CAMK1D: variants seen among roughly 807,000 people sequenced by gnomAD.
The protein encoded by CAMK1D is calcium/calmodulin dependent protein kinase ID, also known as calcium/calmodulin-dependent protein kinase type 1D.
In CAMK1D, 9 loss-of-function variants were observed where a neutral mutation model predicts 47.7. The ratio of observed to expected loss-of-function variants is 0.19; its 90% confidence interval spans 0.11 to 0.33. The LOEUF is 0.33. CAMK1D is among the 10% of genes least tolerant of loss of function. The pLI, the probability that CAMK1D is intolerant of heterozygous loss-of-function variation, is 1.00. For synonymous variants in CAMK1D, 184 were observed against 184.9 expected (o/e 0.99, Z 0.04); for missense variants, 291 against 488.7 (o/e 0.60, Z 3.81).
chr10:12,425,739 T>TTC (rs1244829614), intron 1 of CAMK1D, among the ~76,000 whole-genome samples: 3 of 152,232 alleles, frequency 2.0e-5, no homozygotes, highest in Non-Finnish European at 4.4e-5. Flanking sequence ...GTTAGTTGAG[T>TTC]GCCTGCCACA....
intron 7 of CAMK1D, 135 bp downstream of exon 7, chr10:12,814,442 A>G: frequency 1.8e-6 from 1 of 552,246 alleles, no homozygotes; most frequent in Non-Finnish European, 3.2e-6. Flanking sequence ...TGGCTGCTGT[A>G]ACAAGATACC....
intron 2 of CAMK1D, among the ~76,000 whole-genome samples, chr10:12,590,059 C>T (rs1056851587): frequency 9.9e-5 from 15 of 152,138 alleles, no homozygotes; most frequent in African/African-American, 3.6e-4. Flanking sequence ...TTCTCTAGAG[C>T]CTGTAGGGAG....
chr10:12,356,099 T>G (rs1837506790), intron 1 of CAMK1D, among the ~76,000 whole-genome samples: 1 of 150,946 alleles, frequency 6.6e-6, no homozygotes, highest in Non-Finnish European at 1.5e-5. Flanking sequence ...ACCACTGCAC[T>G]CCAGCCTGGG....
At chr10:12,522,434 C>A (rs980231293) in intron 1 of CAMK1D, among the ~76,000 whole-genome samples, 2 of 141,464 alleles carry the variant, frequency 1.4e-5, no homozygotes, top group African/African-American at 2.6e-5. Flanking sequence ...ATCTTTTTAA[C>A]AAAGCACATC....
At chr10:12,352,898 G>A (rs986394421) in intron 1 of CAMK1D, among the ~76,000 whole-genome samples, 10 of 151,824 alleles carry the variant, frequency 6.6e-5, no homozygotes, top group Admixed American at 5.2e-4. Flanking sequence ...CGCCATGCCT[G>A]GCTAATTTTT....
rs56935431 is a variant in CAMK1D at position 12,813,741 on chromosome 10, A to G, written c.642-454A>G. ...TATATTTGCAACACACGCGGTACAG[A>G]TTTTCTTTTTCTTTTTCTTTCTTCT... On this transcript the variant is annotated intron_variant, in intron 6 of 10. Transcript: ENST00000619168. Among the ~76,000 whole-genome samples the G allele has an allele frequency of 7.3e-3, 1,112 of 151,604 alleles. 14 individuals carry two copies. Among genetic ancestry groups the G allele is most frequent in the African/African-American group, 0.026 (1,062 of 41,342 alleles).
intron 1 of CAMK1D, among the ~76,000 whole-genome samples, chr10:12,404,574 G>A (rs949720271): frequency 6.6e-6 from 1 of 152,180 alleles, no homozygotes; most frequent in Non-Finnish European, 1.5e-5. Context: ...TGTACAGGGT[G>A]ATGCTGAGAT....
At chr10:12,782,039 A>C (rs77050493) in intron 5 of CAMK1D, among the ~76,000 whole-genome samples, 1 of 148,550 alleles carries the variant, frequency 6.7e-6, no homozygotes, top group African/African-American at 2.5e-5. Flanking sequence ...CATGAATGAC[A>C]GCTCTAGGTG....
intron 1 of CAMK1D, among the ~76,000 whole-genome samples, chr10:12,415,592 G>C (rs1428097219): frequency 6.6e-6 from 1 of 151,132 alleles, no homozygotes; most frequent in Non-Finnish European, 1.5e-5. Context: ...GAGCCACCGT[G>C]CCTGGCCCCC....
intron 1 of CAMK1D, among the ~76,000 whole-genome samples, chr10:12,528,518 A>G (rs1223176048): frequency 6.6e-6 from 1 of 152,180 alleles, no homozygotes; most frequent in Non-Finnish European, 1.5e-5. Context: ...AAGGTGTGGT[A>G]CATTTACAAA....
chr10:12,823,949 C>A lies in CAMK1D; in HGVS notation c.834-516C>A, dbSNP rs1016924549. Reference sequence around the variant, plus strand: ...ACGGGTGTGAGTGGTGCCCTGGGAGCAGCGCCCCTGGGGAAGACAGAGAGG... The same window carrying A: ...ACGGGTGTGAGTGGTGCCCTGGGAGAAGCGCCCCTGGGGAAGACAGAGAGG... On this transcript the variant is annotated intron_variant, in intron 8 of 10. Coordinates refer to ENST00000619168, the MANE Select transcript of CAMK1D (RefSeq NM_153498.4). Among the ~76,000 whole-genome samples, 5 of 152,026 alleles carry A rather than the reference C, an allele frequency of 3.3e-5. No homozygotes were observed. In the East Asian group the frequency reaches 9.8e-4, roughly 30 times the overall value.
chr10:12,452,056 G>T (rs1320874023), intron 1 of CAMK1D, among the ~76,000 whole-genome samples: 1 of 152,228 alleles, frequency 6.6e-6, no homozygotes, highest in Non-Finnish European at 1.5e-5. Context: ...ACTTGAGAGG[G>T]AAGGAGGAGA....
rs533586737 is a variant in CAMK1D, at chr10:12,616,287, A to G, written c.225-50449A>G. Among the ~76,000 whole-genome samples, 9 of 152,318 alleles carry G rather than the reference A, an allele frequency of 5.9e-5. No individual in the cohort carries two copies. In the South Asian group the frequency reaches 1.9e-3, roughly 32 times the overall value. On this transcript the variant is annotated intron_variant, in intron 2 of 10. Coordinates refer to ENST00000619168, the MANE Select transcript of CAMK1D (RefSeq NM_153498.4). ...GGCTTGAATATTTTAGTCTTATATA[A>G]TGTTTCAAAATTGATTGCATAACAA...
At chr10:12,409,065 C>T (rs1175006008) in intron 1 of CAMK1D, among the ~76,000 whole-genome samples, 1 of 151,974 alleles carries the variant, frequency 6.6e-6, no homozygotes, top group African/African-American at 2.4e-5. Context: ...CCATGTTGGC[C>T]AGGCTGGTTT....
At chr10:12,604,043 T>TGCCTTCTCTGGACTCC (rs1486934566) in intron 2 of CAMK1D, among the ~76,000 whole-genome samples, 4 of 152,202 alleles carry the variant, frequency 2.6e-5, no homozygotes, top group African/African-American at 9.6e-5. Flanking sequence ...GGCTGGCCTG[T>TGCCTTCTCTGGACTCC]GCCTTCTCTG....
At chr10:12,765,433 C>A (rs1836706037) in intron 4 of CAMK1D, among the ~76,000 whole-genome samples, 2 of 152,148 alleles carry the variant, frequency 1.3e-5, no homozygotes, top group African/African-American at 4.8e-5. Context: ...CCTGACCTGG[C>A]AGGATTCCTG....
chr10:12,818,139 G>T (rs1248403875), intron 8 of CAMK1D, among the ~76,000 whole-genome samples: 1 of 152,116 alleles, frequency 6.6e-6, no homozygotes, highest in Admixed American at 6.5e-5. Flanking sequence ...ATCCCCCTGT[G>T]TGCCCCGCCA....
chr10:12,503,255 C>T lies in CAMK1D; in HGVS notation c.93-49970C>T, dbSNP rs116024331. On this transcript the variant is annotated intron_variant, in intron 1 of 10. Coordinates refer to ENST00000619168, the MANE Select transcript of CAMK1D (RefSeq NM_153498.4). ...GTGTGTTGTGTGTGTGCACTTGTGC[C>T]GCTGGGATTTTGGGAGGAGCATTTG... Among the ~76,000 whole-genome samples, 1,140 of 152,086 alleles carry T rather than the reference C, an allele frequency of 7.5e-3. 12 individuals carry two copies. The highest frequency in any genetic ancestry group is 0.026 in the African/African-American group (1,089 of 41,466).
At chr10:12,460,547 C>T (rs1833392816) in intron 1 of CAMK1D, among the ~76,000 whole-genome samples, 2 of 152,144 alleles carry the variant, frequency 1.3e-5, no homozygotes, top group South Asian at 4.1e-4. Context: ...ATTCTCCTGC[C>T]TCAGCCTCCT....
Sources: allele counts gnomAD v4.1 joint callset (sites outside exome capture counted in the v4.1 genomes callset), GRCh38; gene constraint gnomAD v4.1.1; transcripts MANE v1.5; gene names NCBI Gene and HGNC (gene_info 2026-07-23, HGNC 2026-07-21).